Variants in OSBPL11 observed in about 807,000 individuals in gnomAD.
OSBPL11 encodes the protein oxysterol-binding protein-related protein 11.
In OSBPL11, 33 loss-of-function variants were observed where a neutral mutation model predicts 84.4. That is an observed-to-expected ratio of 0.39 (90% CI 0.30 to 0.52). The LOEUF (loss-of-function observed/expected upper bound fraction) is 0.52, where lower values mean the gene tolerates loss of function less well. Among genes scored for constraint, OSBPL11 ranks in the 20% least tolerant of loss-of-function variants. OSBPL11 has a pLI of 0.72. For synonymous variants in OSBPL11, 276 were observed against 310.2 expected, an observed-to-expected ratio of 0.89 and a Z score of 1.16; for missense variants, 736 against 901.1, an observed-to-expected ratio of 0.82 and a Z score of 2.35.
chr3:125,587,082 G>A (rs1345389156), intron 1 of OSBPL11, among the ~76,000 whole-genome samples: 1 of 152,154 alleles, frequency 6.6e-6, no homozygotes, highest in African/African-American at 2.4e-5. Context: ...CCTGCTACTG[G>A]AAAAGACACA....
chr3:125,532,912 C>T (rs1004551114), intron 11 of OSBPL11, among the ~76,000 whole-genome samples: 1 of 151,258 alleles, frequency 6.6e-6, no homozygotes. Flanking sequence ...ACCTCAAAAA[C>T]GTTATACTAA....
intron 5 of OSBPL11, among the ~76,000 whole-genome samples, chr3:125,569,284 G>C (rs968723184): frequency 1.3e-5 from 2 of 152,026 alleles, no homozygotes; most frequent in Non-Finnish European, 2.9e-5. Flanking sequence ...GGGGGCAAGT[G>C]AAAGAGGTGT....
intron 5 of OSBPL11, among the ~76,000 whole-genome samples, chr3:125,568,154 C>T (rs1936188883): frequency 6.6e-6 from 1 of 152,032 alleles, no homozygotes; most frequent in Admixed American, 6.6e-5. Flanking sequence ...ACTTAAAAGA[C>T]CTGGCACTTT....
intron 5 of OSBPL11, among the ~76,000 whole-genome samples, chr3:125,569,388 G>C (rs1160395812): frequency 6.6e-6 from 1 of 151,804 alleles, no homozygotes; most frequent in Non-Finnish European, 1.5e-5. Flanking sequence ...ACCCATCCCA[G>C]AAAAAAAGGT....
Position 125,594,793 on chromosome 3 carries a change from C to G in OSBPL11, c.8G>C (p.Gly3Ala). 1 of 1,613,522 alleles carries G rather than the reference C, an allele frequency of 6.2e-7. No individual in the cohort carries two copies. Among genetic ancestry groups the G allele is most frequent in the South Asian group, 1.1e-5 (1 of 91,062 alleles). The change falls in exon 1 of 13, where the codon GGG (glycine) becomes GCG (alanine). Residue 3 changes from glycine to alanine, a missense_variant. Gly to Ala is a moderately conservative substitution (Grantham distance 60). Transcript: ENST00000296220. MQGGEPVSTMKVS... is the reference protein window; with the variant it reads MQAGEPVSTMKVS... ...TTTCATTGTGGACACTGGTTCACCCCCCTGCATCTTAACGCCAAAGTCCAC... is the reference window on the plus strand; with the variant it reads ...TTTCATTGTGGACACTGGTTCACCCGCCTGCATCTTAACGCCAAAGTCCAC...
chr3:125,541,530 T>C (rs893759365), intron 10 of OSBPL11, among the ~76,000 whole-genome samples: 2 of 152,198 alleles, frequency 1.3e-5, no homozygotes, highest in Admixed American at 6.5e-5. Flanking sequence ...TTTCTGTAGA[T>C]GAAGACACTA....
chr3:125,568,214 GAGGTC>G (rs1559843465), intron 5 of OSBPL11, among the ~76,000 whole-genome samples: 8 of 151,820 alleles, frequency 5.3e-5, no homozygotes, highest in Non-Finnish European at 1.0e-4. Context: ...GGCAGATCAC[GAGGTC>G]AGGAGATCGA....
chr3:125,539,387 G>A (rs943241442), intron 10 of OSBPL11, among the ~76,000 whole-genome samples: 8 of 139,798 alleles, frequency 5.7e-5, no homozygotes, highest in African/African-American at 2.1e-4. Context: ...TAGCTGTATT[G>A]ATGCAGCACA....
At chr3:125,548,177 C>G (rs1935848486) in intron 9 of OSBPL11, among the ~76,000 whole-genome samples, 1 of 152,070 alleles carries the variant, frequency 6.6e-6, no homozygotes, top group African/African-American at 2.4e-5. Context: ...CTGTGCCTGG[C>G]CCCTGAAAAT....
chr3:125,557,618 T>C (rs1580049571), intron 8 of OSBPL11, among the ~76,000 whole-genome samples: 1 of 151,714 alleles, frequency 6.6e-6, no homozygotes, highest in South Asian at 2.1e-4. Context: ...CTTCAAGTGA[T>C]CCACCCGCCT....
chr3:125,555,402 C>T (rs1395399973), intron 8 of OSBPL11, among the ~76,000 whole-genome samples: 3 of 152,122 alleles, frequency 2.0e-5, no homozygotes, highest in African/African-American at 7.2e-5. Flanking sequence ...ATACATCTAT[C>T]CTCTTATTTC....
rs1011037427 is a variant in OSBPL11, at chr3:125,529,477, C to T, written c.*1038G>A. 1 of 150,974 alleles carries T rather than the reference C, an allele frequency of 6.6e-6. No homozygotes were observed. Among genetic ancestry groups the T allele is most frequent in the Non-Finnish European group, 1.5e-5 (1 of 67,824 alleles). 9.4% of individuals were successfully genotyped at this position (150,974 alleles called of 1,614,324 possible). ...AAAAAAAAAAATAAATAAAACCATA[C>T]CTTACATGCGCGTTCAGTTACACAT... On this transcript the variant is annotated 3_prime_UTR_variant, in exon 13 of 13. Coordinates refer to ENST00000296220, the MANE Select transcript of OSBPL11 (RefSeq NM_022776.5).
rs538826003 is a variant in OSBPL11, at chr3:125,571,631, C to T, written c.667-4036G>A. Among the ~76,000 whole-genome samples the T allele has an allele frequency of 4.6e-5, 7 of 152,304 alleles. No homozygotes were observed. The South Asian group carries it at 1.2e-3, about 27-fold the overall frequency. On this transcript the variant is annotated intron_variant, in intron 5 of 12. Transcript: ENST00000296220. ...TCCAGCCATGGCTGAAAGGGGTCAA[C>T]GTAGAGCTCGTCTGTGGCCTCAGAG...
At chr3:125,573,591 G>A (rs935725252) in intron 5 of OSBPL11, among the ~76,000 whole-genome samples, 18 of 152,124 alleles carry the variant, frequency 1.2e-4, no homozygotes, top group African/African-American at 3.4e-4. Context: ...GGCCAGGTGC[G>A]GTGGCTCACG....
At chr3:125,548,686 A>G (rs1350367988) in intron 9 of OSBPL11, among the ~76,000 whole-genome samples, 1 of 152,062 alleles carries the variant, frequency 6.6e-6, no homozygotes, top group Non-Finnish European at 1.5e-5. Context: ...CACATATTGA[A>G]GTGGATATAT....
chr3:125,531,000 A>G (rs548613415), intron 12 of OSBPL11, among the ~76,000 whole-genome samples: 34 of 146,566 alleles, frequency 2.3e-4, no homozygotes, highest in Middle Eastern at 6.8e-3. Context: ...TTTTTCCCCC[A>G]AGACGGAGTC....
chr3:125,587,148 A>G (rs570649715), intron 1 of OSBPL11, among the ~76,000 whole-genome samples: 43 of 152,328 alleles, frequency 2.8e-4, no homozygotes, highest in African/African-American at 9.4e-4. Flanking sequence ...AAACAAATAC[A>G]GAGGATTCAG....
At chr3:125,571,412 A>G (rs1170603728) in intron 5 of OSBPL11, among the ~76,000 whole-genome samples, 1 of 152,238 alleles carries the variant, frequency 6.6e-6, no homozygotes. Context: ...AGAAATTTGC[A>G]TAAGTAACTA....
chr3:125,579,119 C>A, intron 3 of OSBPL11, 80 bp from the exon 4 acceptor site: 1 of 1,024,166 alleles, frequency 9.8e-7, no homozygotes, highest in South Asian at 1.7e-5. Flanking sequence ...AAGATCAGAT[C>A]ACTGAAAAGC....
Sources: gnomAD v4.1 joint callset for allele counts (sites outside exome capture counted in the v4.1 genomes callset) on GRCh38, gnomAD v4.1.1 for gene constraint, MANE v1.5 for transcripts, NCBI Gene and HGNC (gene_info 2026-07-23, HGNC 2026-07-21) for gene names.